LILRA2: variants seen among roughly 807,000 people sequenced by gnomAD.
LILRA2 encodes leukocyte immunoglobulin-like receptor subfamily A member 2.
In LILRA2, 45 loss-of-function variants were observed where a neutral mutation model predicts 47.9. The ratio of observed to expected loss-of-function variants is 0.94; its 90% CI spans 0.74 to 1.20. LILRA2 has a LOEUF of 1.20. Among genes scored for constraint, LILRA2 ranks in the 50% most tolerant of loss-of-function variants. The probability of loss-of-function intolerance (pLI) is 0.00; values close to 1 mark genes in which losing one functional copy is unlikely to be tolerated. For missense variants in LILRA2, 651 were observed against 598.2 expected, an observed-to-expected ratio of 1.09 and a Z score of -0.92; for synonymous variants, 279 against 249.2, an observed-to-expected ratio of 1.12 and a Z score of -1.13.
At chr19:54,581,524 A>T (rs113826338) in intron 6 of LILRA2, among the ~76,000 whole-genome samples, 1 of 141,392 alleles carries the variant, frequency 7.1e-6, no homozygotes, top group Admixed American at 7.2e-5. Context: ...GATATGCGGC[A>T]TTATTTCTGA....
At chr19:54,575,221 G>A (rs766451158) in intron 4 of LILRA2, 35 bp from the exon 5 acceptor site, 12 of 1,578,998 alleles carry the variant, frequency 7.6e-6, no homozygotes, top group Non-Finnish European at 1.0e-5. Flanking sequence ...AAGCCTGAGG[G>A]TCGGCTCCTG....
chr19:54,574,222 T>C, intron 2 of LILRA2, 79 bp from the exon 3 acceptor site: 1 of 1,614,020 alleles, frequency 6.2e-7, no homozygotes, highest in Non-Finnish European at 8.5e-7. Flanking sequence ...GATGGGGGTG[T>C]CTGGAGGGTC....
chr19:54,574,935 G>A lies in LILRA2; in HGVS notation c.557G>A (p.Ser186Asn), dbSNP rs760167538. 3 of 1,614,172 alleles carry A rather than the reference G, an allele frequency of 1.9e-6. No homozygotes were observed. Among genetic ancestry groups the A allele is most frequent in the Middle Eastern group, 1.6e-4 (1 of 6,084 alleles). Residue 186 changes from serine (S) to asparagine (N), a missense_variant, in exon 4 of 8, where the codon AGC (serine) becomes AAC (asparagine). Ser to Asn is a conservative substitution (Grantham distance 46). Transcript: ENST00000391738. ...SWAIFSVGPV[S>N]PSRRWSYRCY... The stretch of plus-strand genomic sequence containing the variant: ...GCCATCTTCTCCGTGGGCCCCGTGA[G>A]CCCGAGTCGCAGGTGGTCGTACAGG...
Position 54,578,748 on chromosome 19 carries a change from A to G in LILRA2, c.1255+2639A>G, listed in dbSNP as rs1443938678. Among the ~76,000 whole-genome samples the G allele has an allele frequency of 2.6e-5, 4 of 152,302 alleles. No homozygotes were observed. In the East Asian group the frequency reaches 7.7e-4, roughly 29 times the overall value. ...ATTTACACTCCCACCAACAGTGTAAAAGCGTTCCTATTTTTCCACATCCTC... is the reference window on the plus strand; with the variant it reads ...ATTTACACTCCCACCAACAGTGTAAGAGCGTTCCTATTTTTCCACATCCTC... On this transcript the variant is annotated intron_variant, in intron 6 of 7. Coordinates refer to ENST00000391738, the MANE Select transcript of LILRA2 (RefSeq NM_001130917.3).
At position 54,587,050 on chromosome 19, in the gene LILRA2, C is replaced by A. The variant is rs1252012970; in HGVS notation, c.1296C>A (p.Asp432Glu). The change falls in exon 7 of 8, where the codon GAC becomes GAA. Residue 432 changes from aspartate to glutamate, a missense_variant. Coordinates refer to ENST00000391738, the MANE Select transcript of LILRA2 (RefSeq NM_001130917.3). Reference sequence around the variant, plus strand: ...TCAGCCCATCACAAAACAAGACAGACTCCACGACTAGTGAGTGAGGAGATG... The same window carrying A: ...TCAGCCCATCACAAAACAAGACAGAATCCACGACTAGTGAGTGAGGAGATG... ...ETLSPSQNKTDSTTTSLGQHP... is the reference protein window; with the variant it reads ...ETLSPSQNKTESTTTSLGQHP... 6.2e-7 allele frequency: 1 copy of A among 1,613,724 alleles called. No individual in the cohort carries two copies.
chr19:54,573,195 G>T, upstream of LILRA2: 1 of 404,408 alleles, frequency 2.5e-6, no homozygotes, highest in Non-Finnish European at 4.6e-6. Context: ...ATGTGGCCCA[G>T]GGTAATCTGA....
At chr19:54,575,645 G>A (rs1283847355) in intron 5 of LILRA2, 93 bp downstream of exon 5, 1 of 1,575,688 alleles carries the variant, frequency 6.3e-7, no homozygotes, top group Non-Finnish European at 8.6e-7. Context: ...GAGGGTTGGG[G>A]GTCCCAAGGG....
At chr19:54,576,963 T>TG (rs1425493547) in intron 6 of LILRA2, among the ~76,000 whole-genome samples, 1 of 152,266 alleles carries the variant, frequency 6.6e-6, no homozygotes, top group Non-Finnish European at 1.5e-5. Context: ...TCTGACCTTC[T>TG]GGGGCATCTG....
At chr19:54,581,421 G>A (rs2062629383) in intron 6 of LILRA2, among the ~76,000 whole-genome samples, 1 of 100,984 alleles carries the variant, frequency 9.9e-6, no homozygotes, top group African/African-American at 4.5e-5. Flanking sequence ...TTCTACATAT[G>A]GCTAGCCAGT....
At position 54,581,693 on chromosome 19, in the gene LILRA2, A is replaced by C. The variant is rs553354524; in HGVS notation, c.1256-5317A>C. Among the ~76,000 whole-genome samples the C allele has an allele frequency of 4.5e-3, 680 of 151,664 alleles. 4 individuals are homozygous for C. The highest frequency in any genetic ancestry group is 8.1e-3 in the Non-Finnish European group (551 of 68,030). Reference sequence around the variant, plus strand: ...ACACAAACAAATGGAAGAACATTCCATGCTCATGGGTAAGAAGAATCAATA... The same window carrying C: ...ACACAAACAAATGGAAGAACATTCCCTGCTCATGGGTAAGAAGAATCAATA... On this transcript the variant is annotated intron_variant, in intron 6 of 7. Coordinates refer to ENST00000391738, the MANE Select transcript of LILRA2 (RefSeq NM_001130917.3).
At chr19:54,580,137 A>G (rs1431253613) in intron 6 of LILRA2, among the ~76,000 whole-genome samples, 5 of 150,992 alleles carry the variant, frequency 3.3e-5, no homozygotes, top group Non-Finnish European at 7.4e-5. Context: ...AGAACTTCCA[A>G]CACTATGTTG....
intron 6 of LILRA2, among the ~76,000 whole-genome samples, chr19:54,583,987 C>T (rs2062721758): frequency 6.6e-6 from 1 of 152,156 alleles, no homozygotes; most frequent in Non-Finnish European, 1.5e-5. Context: ...AATCTCTCAG[C>T]ATTTGCTTGG....
At position 54,586,838 on chromosome 19, in the gene LILRA2, G is replaced by T. The variant is rs1786768128; in HGVS notation, c.1256-172G>T. ...GCTGAGTTTGGATTTGTAGAACACA[G>T]GAAGTCTGAAATAATTCAATGAGGA... On this transcript the variant is annotated intron_variant, in intron 6 of 7. Coordinates refer to ENST00000391738, the MANE Select transcript of LILRA2 (RefSeq NM_001130917.3). Among the ~76,000 whole-genome samples, 9 of 152,284 alleles carry T rather than the reference G, an allele frequency of 5.9e-5. No homozygotes were observed. The South Asian group carries it at 1.9e-3, about 32-fold the overall frequency.
At chr19:54,586,195 TG>T (rs1387396974) in intron 6 of LILRA2, among the ~76,000 whole-genome samples, 1 of 151,480 alleles carries the variant, frequency 6.6e-6, no homozygotes, top group Non-Finnish European at 1.5e-5. Context: ...TTACACATGA[TG>T]TGAGTGGAGG....
upstream of LILRA2, chr19:54,573,349 G>A: frequency 1.5e-6 from 1 of 684,570 alleles, no homozygotes; most frequent in African/African-American, 1.8e-5. Flanking sequence ...CAGGTGTCAG[G>A]TGCGTCTCTG....
upstream of LILRA2, chr19:54,573,336 A>G (rs1175866397): frequency 1.1e-5 from 7 of 651,010 alleles, no homozygotes; most frequent in African/African-American, 1.3e-4. Context: ...TGAGCTACAC[A>G]GCCAGGTGTC....
At chr19:54,573,675 C>T (rs1418449817), upstream of LILRA2, 9 of 769,986 alleles carry the variant, frequency 1.2e-5, no homozygotes, top group Middle Eastern at 3.2e-4. Flanking sequence ...CTGCAGAGGG[C>T]CTGGTGCCTG....
At chr19:54,577,466 G>A (rs2062499593) in intron 6 of LILRA2, 3 of 1,280,718 alleles carry the variant, frequency 2.3e-6, no homozygotes, top group Non-Finnish European at 3.0e-6. Context: ...ATTTCCAAGA[G>A]CCCCTGAGTA....
chr19:54,579,211 AG>A (rs2062569224), intron 6 of LILRA2, among the ~76,000 whole-genome samples: 1 of 152,100 alleles, frequency 6.6e-6, no homozygotes, highest in Admixed American at 6.5e-5. Flanking sequence ...GGTATTGCCT[AG>A]GTTTTCTTCT....
Sources: gnomAD v4.1 joint callset for allele counts (sites outside exome capture counted in the v4.1 genomes callset) on GRCh38, gnomAD v4.1.1 for gene constraint, MANE v1.5 for transcripts, NCBI Gene and HGNC (gene_info 2026-07-23, HGNC 2026-07-21) for gene names.